The following NTM variants were observed in gnomAD, a reference collection of about 807,000 sequenced individuals.
NTM encodes IgLON family member 2.
A neutral mutation model predicts 42.1 loss-of-function variants in NTM; 13 were observed. That is an observed-to-expected ratio of 0.31 (90% CI 0.20 to 0.49). NTM has a LOEUF of 0.49. Ranked by LOEUF, NTM falls within the 20% of genes least tolerant of loss-of-function variation. The pLI, the probability that NTM is intolerant of heterozygous loss-of-function variation, is 0.99. For synonymous variants in NTM, 187 were observed against 179.2 expected (o/e 1.04, Z -0.35); for missense variants, 373 against 452.8 (o/e 0.82, Z 1.60).
intron 1 of NTM, among the ~76,000 whole-genome samples, chr11:131,686,778 G>A (rs1303593741): frequency 1.3e-5 from 2 of 152,172 alleles, no homozygotes; most frequent in Non-Finnish European, 2.9e-5. Context: ...AGATCGGAAT[G>A]GGGTCATTTC....
At chr11:131,472,463 G>A (rs1174661918) in intron 1 of NTM, among the ~76,000 whole-genome samples, 1 of 152,182 alleles carries the variant, frequency 6.6e-6, no homozygotes, top group Non-Finnish European at 1.5e-5. Context: ...ATAACATTGA[G>A]TGTCTGTGTG....
intron 2 of NTM, among the ~76,000 whole-genome samples, chr11:132,076,049 A>C (rs764841788): frequency 6.6e-6 from 1 of 152,162 alleles, no homozygotes; most frequent in Non-Finnish European, 1.5e-5. Context: ...CATACATTTC[A>C]TGCTAAATAG....
At chr11:131,848,990 T>A (rs1225043910) in intron 1 of NTM, among the ~76,000 whole-genome samples, 2 of 152,234 alleles carry the variant, frequency 1.3e-5, no homozygotes, top group Non-Finnish European at 2.9e-5. Context: ...ATTTTGCTGC[T>A]TAGAAAATTT....
intron 1 of NTM, among the ~76,000 whole-genome samples, chr11:131,376,142 C>A (rs184125085): frequency 1.8e-4 from 27 of 152,282 alleles, no homozygotes; most frequent in African/African-American, 5.8e-4. Context: ...TCACAAGGAG[C>A]CCAGCTGATG....
intron 1 of NTM, chr11:131,769,662 G>A (rs1320230383): frequency 4.0e-6 from 3 of 753,460 alleles, no homozygotes; most frequent in African/African-American, 3.8e-5. Context: ...TTTTACAGAC[G>A]AGGCAACCGG....
At chr11:131,653,970 CCTT>C (rs2066844864) in intron 1 of NTM, among the ~76,000 whole-genome samples, 1 of 152,214 alleles carries the variant, frequency 6.6e-6, no homozygotes, top group South Asian at 2.1e-4. Flanking sequence ...CTCAACAATA[CCTT>C]CTTCTCCATC....
intron 1 of NTM, among the ~76,000 whole-genome samples, chr11:131,469,644 T>C (rs1418685185): frequency 2.0e-5 from 3 of 152,160 alleles, no homozygotes; most frequent in African/African-American, 7.2e-5. Flanking sequence ...ATAGGGTGGG[T>C]TTAGGACAAG....
intron 1 of NTM, among the ~76,000 whole-genome samples, chr11:131,578,808 C>T (rs1353625993): frequency 6.6e-6 from 1 of 152,070 alleles, no homozygotes; most frequent in African/African-American, 2.4e-5. Flanking sequence ...GACAGTTTTT[C>T]ACTAAGTACA....
At chr11:131,506,330 C>T (rs1444068178) in intron 1 of NTM, among the ~76,000 whole-genome samples, 2 of 152,096 alleles carry the variant, frequency 1.3e-5, no homozygotes, top group Non-Finnish European at 2.9e-5. Context: ...TGGGGAAGGG[C>T]CTATAACACT....
At chr11:131,981,980 C>T (rs923652491) in intron 2 of NTM, among the ~76,000 whole-genome samples, 1 of 151,894 alleles carries the variant, frequency 6.6e-6, no homozygotes, top group Non-Finnish European at 1.5e-5. Context: ...CCACTGCACT[C>T]CAGCCTGGGT....
At chr11:131,559,387 G>C (rs1052875424) in intron 1 of NTM, among the ~76,000 whole-genome samples, 1 of 152,228 alleles carries the variant, frequency 6.6e-6, no homozygotes, top group Non-Finnish European at 1.5e-5. Flanking sequence ...TGATTAACCA[G>C]CTGTCTTTTT....
At chr11:132,101,994 G>T (rs2061683141) in intron 2 of NTM, among the ~76,000 whole-genome samples, 3 of 152,068 alleles carry the variant, frequency 2.0e-5, no homozygotes. Context: ...ATTCCTACAG[G>T]TCACACTGCT....
At chr11:131,405,174 A>G (rs1945672882) in intron 1 of NTM, among the ~76,000 whole-genome samples, 1 of 152,224 alleles carries the variant, frequency 6.6e-6, no homozygotes, top group Non-Finnish European at 1.5e-5. Context: ...GGAGGCTGGT[A>G]TGACCAATTG....
intron 1 of NTM, chr11:131,536,767 G>T (rs2052305247): frequency 6.6e-6 from 1 of 152,190 alleles, no homozygotes; most frequent in Admixed American, 6.5e-5. Context: ...TCTGGATGGA[G>T]TTAAGAAGGT....
chr11:132,314,101 T>C (rs1179670406), intron 6 of NTM, among the ~76,000 whole-genome samples: 3 of 149,796 alleles, frequency 2.0e-5, no homozygotes, highest in African/African-American at 7.3e-5. Flanking sequence ...AAAAACATTT[T>C]TCTTTCAAAT....
intron 2 of NTM, among the ~76,000 whole-genome samples, chr11:132,008,208 G>T (rs145570723): frequency 2.0e-5 from 3 of 152,052 alleles, no homozygotes; most frequent in Non-Finnish European, 4.4e-5. Flanking sequence ...GAGAACAAAC[G>T]CTCACTTTAC....
At chr11:131,955,085 G>A (rs760513928) in intron 2 of NTM, among the ~76,000 whole-genome samples, 6 of 152,088 alleles carry the variant, frequency 3.9e-5, no homozygotes, top group Non-Finnish European at 8.8e-5. Context: ...TGGTATTGTG[G>A]CAGAGAATAT....
At chr11:131,726,336 G>GCATAATCAAAAGTATTTTAAA (rs1565472505) in intron 1 of NTM, among the ~76,000 whole-genome samples, 1 of 145,170 alleles carries the variant, frequency 6.9e-6, no homozygotes, top group African/African-American at 2.9e-5. Context: ...GGTTGCACAA[G>GCATAATCAAAAGTATTTTAAA]TCAGTGTCTG....
chr11:131,677,154 C>T (rs1176125405), intron 1 of NTM, among the ~76,000 whole-genome samples: 2 of 152,166 alleles, frequency 1.3e-5, no homozygotes. Context: ...GGTCCCCGAG[C>T]CCTGCCCTGC....
Sources: allele counts gnomAD v4.1 joint callset (sites outside exome capture counted in the v4.1 genomes callset), GRCh38; gene constraint gnomAD v4.1.1; transcripts MANE v1.5; gene names NCBI Gene and HGNC (gene_info 2026-07-23, HGNC 2026-07-21).